The following SLX9 variants were observed in gnomAD, a reference collection of about 807,000 sequenced individuals.
SLX9 encodes the protein ribosome biogenesis protein SLX9 homolog.
SLX9 carries 19 observed loss-of-function variants against 20.8 expected under a neutral mutation model. That is an observed-to-expected ratio of 0.91 (90% confidence interval 0.64 to 1.34). The LOEUF (loss-of-function observed/expected upper bound fraction) is 1.34. Among genes scored for constraint, SLX9 ranks in the 40% most tolerant of loss-of-function variants. SLX9 has a pLI of 0.00. For synonymous variants in SLX9, 113 were observed against 137.1 expected (o/e 0.82, Z 1.23); for missense variants, 299 against 322.2 (o/e 0.93, Z 0.55).
At chr21:44,941,707 G>A (rs112929937) in intron 1 of SLX9, among the ~76,000 whole-genome samples, 198 of 152,260 alleles carry the variant, frequency 1.3e-3, no homozygotes, top group African/African-American at 4.5e-3. Context: ...GGTAGGGTGC[G>A]TCCTTGAACA....
chr21:44,940,597 A>G (rs2084524815), intron 1 of SLX9, among the ~76,000 whole-genome samples: 1 of 151,952 alleles, frequency 6.6e-6, no homozygotes, highest in Non-Finnish European at 1.5e-5. Context: ...CATCCCCCTC[A>G]GCCCTAAGCA....
chr21:44,973,879 T>G (rs2085210921), intron 5 of SLX9, among the ~76,000 whole-genome samples: 1 of 152,162 alleles, frequency 6.6e-6, no homozygotes, highest in South Asian at 2.1e-4. Context: ...AAGTCCCGCC[T>G]CCCAGGAAGG....
chr21:44,974,785 T>C (rs929211300), intron 5 of SLX9, among the ~76,000 whole-genome samples: 4 of 152,226 alleles, frequency 2.6e-5, no homozygotes, highest in African/African-American at 9.7e-5. Flanking sequence ...CAGTCTTGTC[T>C]GGAGACAGTT....
chr21:44,961,501 C>T (rs564652474), intron 3 of SLX9, among the ~76,000 whole-genome samples: 2 of 152,182 alleles, frequency 1.3e-5, no homozygotes, highest in African/African-American at 2.4e-5. Context: ...GTAGGAAGAT[C>T]GCTTCAACCC....
At chr21:44,942,195 A>C (rs927549859) in intron 1 of SLX9, among the ~76,000 whole-genome samples, 18 of 152,206 alleles carry the variant, frequency 1.2e-4, no homozygotes. Flanking sequence ...ACCAACATAC[A>C]TTCATGATCT....
chr21:44,944,845 A>G (rs1407189863), intron 2 of SLX9, among the ~76,000 whole-genome samples: 14 of 152,236 alleles, frequency 9.2e-5, no homozygotes, highest in Non-Finnish European at 2.9e-5. Context: ...CTGGCTGGAC[A>G]CTTGATCGCT....
chr21:44,945,966 C>T (rs896759202), intron 2 of SLX9, among the ~76,000 whole-genome samples: 2 of 151,816 alleles, frequency 1.3e-5, no homozygotes, highest in African/African-American at 2.4e-5. Context: ...ATCTCTTGAC[C>T]TCAGAGATCT....
At chr21:44,949,929 C>A (rs575317334) in intron 2 of SLX9, among the ~76,000 whole-genome samples, 5 of 152,340 alleles carry the variant, frequency 3.3e-5, no homozygotes, top group African/African-American at 1.2e-4. Flanking sequence ...CCCTGGTGAT[C>A]TGGCCAGCAG....
intron 2 of SLX9, among the ~76,000 whole-genome samples, chr21:44,946,680 C>T (rs1032780513): frequency 5.3e-5 from 8 of 152,238 alleles, no homozygotes; most frequent in African/African-American, 1.7e-4. Flanking sequence ...CTCATCGCCG[C>T]GGGCCCCCAT....
intron 2 of SLX9, among the ~76,000 whole-genome samples, chr21:44,953,473 C>G (rs539739052): frequency 6.6e-6 from 1 of 152,054 alleles, no homozygotes; most frequent in Non-Finnish European, 1.5e-5. Flanking sequence ...GTCCGGGCCT[C>G]GGGAGCCTGT....
chr21:44,950,532 A>C (rs772510675), intron 2 of SLX9, among the ~76,000 whole-genome samples: 1 of 152,152 alleles, frequency 6.6e-6, no homozygotes, highest in East Asian at 1.9e-4. Context: ...GCCAGCCGGT[A>C]TGTTGGGAGC....
At chr21:44,971,454 A>C (rs11701173) in intron 4 of SLX9, among the ~76,000 whole-genome samples, 84,393 of 151,844 alleles carry the variant, frequency 0.56, 25,213 homozygotes, top group South Asian at 0.78. Flanking sequence ...CGGTCCCCGC[A>C]GTGGGGAGGG....
chr21:44,955,203 G>A (rs1419083421), intron 2 of SLX9, among the ~76,000 whole-genome samples: 1 of 60,954 alleles, frequency 1.6e-5, no homozygotes, highest in Non-Finnish European at 3.1e-5. Flanking sequence ...GTGGGACTTT[G>A]TCTCAAAAAA....
chr21:44,966,338 G>T (rs552552162), intron 3 of SLX9, among the ~76,000 whole-genome samples: 1 of 152,274 alleles, frequency 6.6e-6, no homozygotes, highest in South Asian at 2.1e-4. Context: ...TGTTTGAGCT[G>T]CAGGCCTGTC....
At chr21:44,952,569 C>T (rs2084778377) in intron 2 of SLX9, among the ~76,000 whole-genome samples, 1 of 152,220 alleles carries the variant, frequency 6.6e-6, no homozygotes, top group Admixed American at 6.5e-5. Context: ...GATGCTGTGC[C>T]CAGCAGAGGT....
chr21:44,940,228 C>T (rs2084514500), intron 1 of SLX9, 42 bp downstream of exon 1: 5 of 1,210,410 alleles, frequency 4.1e-6, no homozygotes, highest in Non-Finnish European at 5.1e-6. Flanking sequence ...CGCGTGGGTC[C>T]GAGGGCGGGT....
intron 2 of SLX9, among the ~76,000 whole-genome samples, chr21:44,948,372 AGCTGGTCATGCAGCATC>A: frequency 6.8e-6 from 1 of 146,068 alleles, no homozygotes; most frequent in Non-Finnish European, 1.5e-5. Flanking sequence ...GCGTCCGGGG[AGCTGGTCATGCAGCATC>A]GGGCGGTCCG....
At chr21:44,964,450 C>G (rs969247913) in intron 3 of SLX9, among the ~76,000 whole-genome samples, 2 of 152,220 alleles carry the variant, frequency 1.3e-5, no homozygotes, top group Non-Finnish European at 1.5e-5. Flanking sequence ...CTGTTCCTCC[C>G]GTTGCAGGGC....
At chr21:44,972,856 G>C (rs2085177485) in intron 4 of SLX9, among the ~76,000 whole-genome samples, 1 of 152,022 alleles carries the variant, frequency 6.6e-6, no homozygotes, top group Non-Finnish European at 1.5e-5. Context: ...ATCGTGAGAC[G>C]TGTTCCTGGC....
Sources: allele counts gnomAD v4.1 joint callset (sites outside exome capture counted in the v4.1 genomes callset), GRCh38; gene constraint gnomAD v4.1.1; transcripts MANE v1.5; gene names NCBI Gene and HGNC (gene_info 2026-07-23, HGNC 2026-07-21).